The following ZCCHC24 variants were observed in gnomAD, a reference collection of about 807,000 sequenced individuals.
ZCCHC24 encodes zinc finger CCHC domain-containing protein 24.
Under a neutral mutation model 26.2 loss-of-function variants are expected in ZCCHC24, and 10 were observed. That is an observed-to-expected ratio of 0.38 (90% CI 0.24 to 0.65). The LOEUF is 0.65. Among genes scored for constraint, ZCCHC24 ranks in the 30% least tolerant of loss-of-function variants. The pLI is 0.54. For missense variants in ZCCHC24, 243 were observed against 329.1 expected, an observed-to-expected ratio of 0.74 and a Z score of 2.03; for synonymous variants, 144 against 147.1, an observed-to-expected ratio of 0.98 and a Z score of 0.15.
chr10:79,440,990 A>G lies in ZCCHC24; in HGVS notation c.246+4205T>C, dbSNP rs569602645. ...TGCCTGAGTCACACTTCAGCTTCCC[A>G]AGGGTGGCCAAGAGAGCTGGGAGCA... On this transcript the variant is annotated intron_variant, in intron 1 of 3. Transcript: ENST00000372336. Among the ~76,000 whole-genome samples, 7 of 151,770 alleles carry G rather than the reference A, an allele frequency of 4.6e-5. No individual in the cohort carries two copies. The South Asian group carries it at 1.5e-3, about 32-fold the overall frequency.
chr10:79,432,886 C>T, intron 1 of ZCCHC24, 128 bp from the exon 2 acceptor site: 1 of 1,053,676 alleles, frequency 9.5e-7, no homozygotes, highest in Non-Finnish European at 1.3e-6. Flanking sequence ...CTCCAGAAGC[C>T]TGAGTTCAAA....
intron 2 of ZCCHC24, among the ~76,000 whole-genome samples, chr10:79,428,406 A>AGAT (rs1491382486): frequency 3.2e-5 from 1 of 31,076 alleles, no homozygotes; most frequent in Non-Finnish European, 7.4e-5. Context: ...CAGTTTTGCA[A>AGAT]GATAAATTTC....
intron 1 of ZCCHC24, among the ~76,000 whole-genome samples, chr10:79,440,712 A>G (rs1039904775): frequency 2.6e-5 from 4 of 152,166 alleles, no homozygotes; most frequent in Non-Finnish European, 2.9e-5. Flanking sequence ...ATAGAGCACC[A>G]CCCAAGAGCA....
At chr10:79,415,984 T>C (rs1856854346) in intron 2 of ZCCHC24, among the ~76,000 whole-genome samples, 1 of 152,206 alleles carries the variant, frequency 6.6e-6, no homozygotes, top group Non-Finnish European at 1.5e-5. Flanking sequence ...ATGCAGACTC[T>C]GACCCAGCAG....
At chr10:79,423,640 C>T (rs1264757894) in intron 2 of ZCCHC24, among the ~76,000 whole-genome samples, 2 of 105,268 alleles carry the variant, frequency 1.9e-5, no homozygotes, top group African/African-American at 6.9e-5. Flanking sequence ...AAACACAAAT[C>T]TCCAGGCTGA....
chr10:79,386,148 C>T lies in ZCCHC24; in HGVS notation c.*197G>A. 1.6e-6 allele frequency: 1 copy of T among 610,680 alleles called. No homozygotes were observed. The highest frequency in any genetic ancestry group is 3.0e-6 in the Non-Finnish European group (1 of 331,022). 37.8% of individuals were successfully genotyped at this position (610,680 alleles called of 1,614,324 possible). A position where few individuals can be genotyped will look rare whatever the true frequency, so the allele number is the denominator to read the frequency against. On this transcript the variant is annotated 3_prime_UTR_variant, in exon 4 of 4. Coordinates refer to ENST00000372336, the MANE Select transcript of ZCCHC24 (RefSeq NM_153367.4). The stretch of plus-strand genomic sequence containing the variant: ...CCCCAGACTCCCTGCTTTCCCTGGC[C>T]TGTGGGGGGCAGCAATGTCAGTAAC...
chr10:79,424,754 C>G (rs990231363), intron 2 of ZCCHC24, among the ~76,000 whole-genome samples: 1 of 152,234 alleles, frequency 6.6e-6, no homozygotes, highest in Non-Finnish European at 1.5e-5. Context: ...AGCCACACCC[C>G]CACTCCTCCC....
chr10:79,430,640 G>A (rs1226496380), intron 2 of ZCCHC24, among the ~76,000 whole-genome samples: 2 of 151,516 alleles, frequency 1.3e-5, no homozygotes, highest in African/African-American at 2.4e-5. Flanking sequence ...GCCCTGTCAG[G>A]AGAGAGGATG....
intron 3 of ZCCHC24, 95 bp downstream of exon 3, chr10:79,394,181 G>A: frequency 1.4e-6 from 2 of 1,470,630 alleles, no homozygotes; most frequent in Non-Finnish European, 1.8e-6. Flanking sequence ...AACTTAGAGA[G>A]ATCTCCCTTG....
intron 1 of ZCCHC24, among the ~76,000 whole-genome samples, chr10:79,439,893 G>T (rs1387244937): frequency 6.6e-6 from 1 of 152,036 alleles, no homozygotes; most frequent in South Asian, 2.1e-4. Flanking sequence ...TGGCAGCCAA[G>T]TAAAACCCCT....
At chr10:79,399,120 G>A (rs1343169287) in intron 2 of ZCCHC24, among the ~76,000 whole-genome samples, 1 of 152,138 alleles carries the variant, frequency 6.6e-6, no homozygotes, top group African/African-American at 2.4e-5. Flanking sequence ...CGGTGACCTC[G>A]GTAGAGGTGG....
chr10:79,415,459 T>C (rs1488121495), intron 2 of ZCCHC24, among the ~76,000 whole-genome samples: 1 of 152,234 alleles, frequency 6.6e-6, no homozygotes, highest in Admixed American at 6.5e-5. Context: ...CTTGGCTGGC[T>C]TGCTCCTGAT....
At chr10:79,386,957 C>T (rs2132171161) in intron 3 of ZCCHC24, among the ~76,000 whole-genome samples, 1 of 152,296 alleles carries the variant, frequency 6.6e-6, no homozygotes, top group African/African-American at 2.4e-5. Flanking sequence ...ACCCACATCT[C>T]CCGACCCCAG....
At chr10:79,389,600 CTTATTTTTATTTTTTAT>C (rs1589657966) in intron 3 of ZCCHC24, among the ~76,000 whole-genome samples, 1 of 150,022 alleles carries the variant, frequency 6.7e-6, no homozygotes, top group African/African-American at 2.5e-5. Context: ...AGATGACTGT[CTTATTTTTATTTTTTAT>C]TTATTTTTAT....
At chr10:79,412,521 T>C (rs1856806818) in intron 2 of ZCCHC24, among the ~76,000 whole-genome samples, 1 of 152,160 alleles carries the variant, frequency 6.6e-6, no homozygotes, top group African/African-American at 2.4e-5. Context: ...TTTCTAAAAG[T>C]GATAAAAATA....
intron 2 of ZCCHC24, among the ~76,000 whole-genome samples, chr10:79,411,275 T>C (rs993759261): frequency 7.2e-5 from 11 of 152,180 alleles, no homozygotes; most frequent in Non-Finnish European, 1.5e-4. Flanking sequence ...ACCTCTGTCT[T>C]TAGATTTACA....
intron 2 of ZCCHC24, among the ~76,000 whole-genome samples, chr10:79,409,862 G>A (rs1856767363): frequency 6.6e-6 from 1 of 152,248 alleles, no homozygotes; most frequent in African/African-American, 2.4e-5. Context: ...GGAGGAGCAG[G>A]GGGAGGACGG....
At chr10:79,415,102 A>G (rs7475524) in intron 2 of ZCCHC24, among the ~76,000 whole-genome samples, 3,938 of 152,284 alleles carry the variant, frequency 0.026, 182 homozygotes, top group African/African-American at 0.089. Context: ...CATGAAGGCT[A>G]AGACACAGTG....
At chr10:79,416,913 G>A (rs570430587) in intron 2 of ZCCHC24, among the ~76,000 whole-genome samples, 5 of 152,298 alleles carry the variant, frequency 3.3e-5, no homozygotes, top group South Asian at 2.1e-4. Flanking sequence ...CTCCCTGTGC[G>A]TGTAGCTGCT....
Sources: gnomAD v4.1 joint callset for allele counts (sites outside exome capture counted in the v4.1 genomes callset) on GRCh38, gnomAD v4.1.1 for gene constraint, MANE v1.5 for transcripts, NCBI Gene and HGNC (gene_info 2026-07-23, HGNC 2026-07-21) for gene names.